PFKFB2: variants seen among roughly 807,000 people sequenced by gnomAD.
PFKFB2 encodes 6-phosphofructo-2-kinase/fructose-2,6-bisphosphatase 2.
A neutral mutation model predicts 68.0 loss-of-function variants in PFKFB2; 53 were observed. The observed-to-expected ratio is 0.78, with a 90% CI of 0.63 to 0.98. The LOEUF (loss-of-function observed/expected upper bound fraction) is 0.98, where lower values mean the gene tolerates loss of function less well. Among genes scored for constraint, PFKFB2 ranks in the 50% least tolerant of loss-of-function variants. The probability of loss-of-function intolerance (pLI) is 0.00; values close to 1 mark genes in which losing one functional copy is unlikely to be tolerated. For missense variants in PFKFB2, 451 were observed against 642.0 expected (o/e 0.70, Z 3.22); for synonymous variants, 222 against 227.6 (o/e 0.98, Z 0.22).
chr1:207,067,483 TC>T lies in PFKFB2; in HGVS notation c.633-14del. 1.3e-6 allele frequency: 2 copies of T among 1,591,100 alleles called. No individual in the cohort carries two copies. Among genetic ancestry groups the T allele is most frequent in the African/African-American group, 2.7e-5 (2 of 73,300 alleles). On this transcript the variant is annotated splice_polypyrimidine_tract_variant and intron_variant, in intron 8 of 14. Transcript: ENST00000367080. ...CTTCTTACCTAGGGAATTTTTTTTT[TC>T]CTTTCCTGTCCCAGGGATCTTTCTT...
chr1:207,036,972 TGTCCTTGAGTGTAA>T, intron 1 of PFKFB2, among the ~76,000 whole-genome samples: 1 of 152,362 alleles, frequency 6.6e-6, no homozygotes, highest in African/African-American at 2.4e-5. Context: ...ACTATCTCTT[TGTCCTTGAGTGTAA>T]TTCCATTACT....
intron 2 of PFKFB2, among the ~76,000 whole-genome samples, chr1:207,055,814 C>T (rs576117300): frequency 1.3e-5 from 2 of 152,274 alleles, no homozygotes; most frequent in East Asian, 3.9e-4. Flanking sequence ...GATAATCTCT[C>T]TTCACCTAGC....
At chr1:207,061,176 TA>T (rs1558059774) in intron 2 of PFKFB2, among the ~76,000 whole-genome samples, 6 of 63,508 alleles carry the variant, frequency 9.4e-5, no homozygotes, top group African/African-American at 4.7e-4. Flanking sequence ...TATATATATA[TA>T]TATATATATA....
At position 207,073,615 on chromosome 1, in the gene PFKFB2, A is replaced by T; in HGVS notation, c.*1244A>T. The T allele has an allele frequency of 1.0e-6, 1 of 985,016 alleles. No individual in the cohort carries two copies. Among genetic ancestry groups the T allele is most frequent in the Non-Finnish European group, 1.2e-6 (1 of 829,526 alleles). The allele number at this position is 985,016 out of a possible 1,614,324, so 61.0% of individuals were successfully genotyped here. A position where few individuals can be genotyped will look rare whatever the true frequency, so the allele number is the denominator to read the frequency against. ...CTCTCATTGGAGTATTCTTTTGTTCATAAAGAGAAACTATCTCATCTTGAT... is the reference window on the plus strand; with the variant it reads ...CTCTCATTGGAGTATTCTTTTGTTCTTAAAGAGAAACTATCTCATCTTGAT... On this transcript the variant is annotated 3_prime_UTR_variant, in exon 15 of 15. Coordinates refer to ENST00000367080, the MANE Select transcript of PFKFB2 (RefSeq NM_006212.2).
intron 2 of PFKFB2, chr1:207,046,459 T>C (rs1378216236): frequency 2.0e-5 from 3 of 151,950 alleles, no homozygotes; most frequent in African/African-American, 4.8e-5. Flanking sequence ...TGAGCAAAGG[T>C]TTAGGTTTTT....
At position 207,061,987 on chromosome 1, in the gene PFKFB2, G is replaced by T. The variant is rs1240117778; in HGVS notation, c.120G>T (p.Leu40=). ...WASYMTNSPT[L]IVMIGLPARG... is the part of the protein sequence containing the mutation. Reference sequence around the variant, plus strand: ...CCTACATGACCAACTCCCCGACTCTGATCGTTATGATTGGTTTGCCAGCCC... The same window carrying T: ...CCTACATGACCAACTCCCCGACTCTTATCGTTATGATTGGTTTGCCAGCCC... Residue 40 remains leucine, a synonymous_variant, in exon 3 of 15, where the codon CTG becomes CTT. Coordinates refer to ENST00000367080, the MANE Select transcript of PFKFB2 (RefSeq NM_006212.2). The T allele has an allele frequency of 6.2e-7, 1 of 1,614,034 alleles. No homozygotes were observed. Among genetic ancestry groups the T allele is most frequent in the Non-Finnish European group, 8.5e-7 (1 of 1,180,024 alleles).
At chr1:207,045,765 T>C (rs1185831680) in intron 2 of PFKFB2, 1 of 152,058 alleles carries the variant, frequency 6.6e-6, no homozygotes, top group African/African-American at 2.4e-5. Flanking sequence ...GCATGGGCAT[T>C]TAGGGACACA....
chr1:207,063,847 A>G lies in PFKFB2; in HGVS notation c.507+18A>G, dbSNP rs1455971476. Reference sequence around the variant, plus strand: ...ATATTCTGGTTGGTGACACCCCTACATATCATCTCCTCTTCACCTTTTGTG... The same window carrying G: ...ATATTCTGGTTGGTGACACCCCTACGTATCATCTCCTCTTCACCTTTTGTG... On this transcript the variant is annotated intron_variant, in intron 7 of 14. Coordinates refer to ENST00000367080, the MANE Select transcript of PFKFB2 (RefSeq NM_006212.2). This position sits in a 1 kb window ranked among gnomAD's most constrained non-coding sequence, Gnocchi z 4.1. 2.5e-6 allele frequency: 4 copies of G among 1,590,172 alleles called. No homozygotes were observed. The highest frequency in any genetic ancestry group is 2.6e-6 in the Non-Finnish European group (3 of 1,159,094).
At chr1:207,035,314 C>T in intron 1 of PFKFB2, 2 of 400,952 alleles carry the variant, frequency 5.0e-6, no homozygotes, top group Non-Finnish European at 6.8e-6. Flanking sequence ...TGTGTTAGTC[C>T]ATTTGCATTG....
intron 1 of PFKFB2, among the ~76,000 whole-genome samples, chr1:207,040,977 G>A (rs1682465544): frequency 1.5e-5 from 2 of 137,754 alleles, no homozygotes; most frequent in South Asian, 4.5e-4. Flanking sequence ...CGCCTAGGCT[G>A]GAGTGCAGTG....
At chr1:207,052,944 C>T (rs894672435), upstream of PFKFB2, 1 of 152,196 alleles carries the variant, frequency 6.6e-6, no homozygotes, top group Admixed American at 6.5e-5. Flanking sequence ...TCTCGTCACC[C>T]GGCACACCCG....
downstream of PFKFB2, chr1:207,079,176 C>A: frequency 1.5e-6 from 1 of 673,682 alleles, no homozygotes; most frequent in Non-Finnish European, 2.7e-6. Flanking sequence ...ATATTTCCTC[C>A]CCTCCTGCCT....
chr1:207,050,130 C>T (rs1486767205), upstream of PFKFB2, among the ~76,000 whole-genome samples: 1 of 152,208 alleles, frequency 6.6e-6, no homozygotes, highest in Non-Finnish European at 1.5e-5. Context: ...GATACAGCAA[C>T]TGAAAGCTTT....
chr1:207,067,822 TAGTC>T (rs1304540232), intron 9 of PFKFB2, 116 bp downstream of exon 9: 3 of 894,510 alleles, frequency 3.4e-6, no homozygotes, highest in Admixed American at 2.3e-5. Flanking sequence ...TGTGGTTTCA[TAGTC>T]AGGCAAGTGC....
rs761831197 is a variant in PFKFB2 at position 207,062,612 on chromosome 1, T to G, written c.212-8T>G. 45 of 1,613,240 alleles carry G rather than the reference T, an allele frequency of 2.8e-5. No homozygotes were observed. The highest frequency in any genetic ancestry group is 3.6e-5 in the Non-Finnish European group (43 of 1,179,636). Reference sequence around the variant, plus strand: ...TTTGCTGCTGAAGGATTTGGGTGTCTTCTACAGTGTTTAATCTTGGGGTGT... The same window carrying G: ...TTTGCTGCTGAAGGATTTGGGTGTCGTCTACAGTGTTTAATCTTGGGGTGT... On this transcript the variant is annotated splice_region_variant and splice_polypyrimidine_tract_variant and intron_variant, in intron 3 of 14. Coordinates refer to ENST00000367080, the MANE Select transcript of PFKFB2 (RefSeq NM_006212.2).
intron 2 of PFKFB2, among the ~76,000 whole-genome samples, chr1:207,055,456 G>A (rs1682890571): frequency 6.6e-6 from 1 of 152,094 alleles, no homozygotes; most frequent in Non-Finnish European, 1.5e-5. Flanking sequence ...AGGAGATGAA[G>A]CATCATTTCC....
At chr1:207,050,287 CAA>C (rs1682705474), upstream of PFKFB2, among the ~76,000 whole-genome samples, 1 of 150,914 alleles carries the variant, frequency 6.6e-6, no homozygotes, top group South Asian at 2.1e-4. Flanking sequence ...AAGGGGACTG[CAA>C]AAATGAATCA....
At chr1:207,061,925 C>A in intron 2 of PFKFB2, 28 bp from the exon 3 acceptor site, 3 of 1,596,702 alleles carry the variant, frequency 1.9e-6, no homozygotes, top group Non-Finnish European at 2.6e-6. Context: ...CTAGTCATTT[C>A]GTTTTATTTT....
In PFKFB2 at chr1:207,074,513, C is replaced by G. The variant is rs1216824855; in HGVS notation, c.*2142C>G. On this transcript the variant is annotated 3_prime_UTR_variant, in exon 15 of 15. Transcript: ENST00000367080. ...TGATAAAGGTTGTCATCACTGGCAA[C>G]TGACTCCTGACCCCGGGTCCTTTAC... The G allele has an allele frequency of 7.1e-6, 7 of 985,276 alleles. No individual in the cohort carries two copies. The highest frequency in any genetic ancestry group is 6.1e-5 in the Admixed American group (1 of 16,268). 61.0% of individuals were successfully genotyped at this position (985,276 alleles called of 1,614,324 possible).
Sources: gnomAD v4.1 joint callset for allele counts (sites outside exome capture counted in the v4.1 genomes callset) on GRCh38, gnomAD v4.1.1 for gene constraint, Gnocchi (gnomAD v3.1) non-coding constraint, MANE v1.5 for transcripts, NCBI Gene and HGNC (gene_info 2026-07-23, HGNC 2026-07-21) for gene names.